VWA8: variants seen among roughly 807,000 people sequenced by gnomAD.
VWA8 encodes the protein von Willebrand factor A domain-containing protein 8.
VWA8 carries 221 observed loss-of-function variants against 241.5 expected under a neutral mutation model. The observed-to-expected ratio is 0.91, with a 90% confidence interval of 0.82 to 1.02. The LOEUF (loss-of-function observed/expected upper bound fraction) is 1.02. Ranked by LOEUF, VWA8 falls within the 50% of genes least tolerant of loss-of-function variation. The pLI, the probability that VWA8 is intolerant of heterozygous loss-of-function variation, is 0.00. For missense variants in VWA8, 2,322 were observed against 2,328.7 expected, an observed-to-expected ratio of 1.00 and a Z score of 0.06; for synonymous variants, 852 against 827.1, an observed-to-expected ratio of 1.03 and a Z score of -0.52.
Position 41,572,797 on chromosome 13 carries a change from TAA to T in VWA8, c.5371-2093_5371-2092del, listed in dbSNP as rs869088660. The stretch of plus-strand genomic sequence containing the variant: ...ACACCCAAGAATGATCAATAAATAC[TAA>T]AAAAAAAAAAAAAAAAAAAAAAGAA... On this transcript the variant is annotated intron_variant, in intron 43 of 44. Coordinates refer to ENST00000379310, the MANE Select transcript of VWA8 (RefSeq NM_015058.2). 1.9e-3 allele frequency among the ~76,000 whole-genome samples: 129 copies of T among 67,780 alleles called. 1 individual carries two copies. The highest frequency in any genetic ancestry group is 4.5e-3 in the African/African-American group (78 of 17,510). 44.5% of individuals were successfully genotyped at this position (67,780 alleles called of 152,430 possible).
chr13:41,872,981 A>C (rs1400654425), intron 9 of VWA8, among the ~76,000 whole-genome samples: 2 of 152,188 alleles, frequency 1.3e-5, no homozygotes, highest in East Asian at 3.9e-4. Context: ...CTTTTATTTC[A>C]TTGAGCAGTG....
intron 34 of VWA8, among the ~76,000 whole-genome samples, chr13:41,688,435 T>A (rs2045151879): frequency 6.6e-6 from 1 of 152,166 alleles, no homozygotes; most frequent in Admixed American, 6.6e-5. Flanking sequence ...CAACTTGGAC[T>A]GAAATAACTT....
At chr13:41,805,659 C>CA (rs1440283549) in intron 17 of VWA8, among the ~76,000 whole-genome samples, 1 of 151,780 alleles carries the variant, frequency 6.6e-6, no homozygotes, top group Non-Finnish European at 1.5e-5. Context: ...ACTAAAAATA[C>CA]AAAAATTAGC....
intron 37 of VWA8, among the ~76,000 whole-genome samples, chr13:41,650,386 G>C (rs2044861551): frequency 2.0e-5 from 3 of 152,134 alleles, no homozygotes; most frequent in Admixed American, 2.0e-4. Flanking sequence ...CTGGCTCAGA[G>C]GTGTTTATTC....
intron 14 of VWA8, among the ~76,000 whole-genome samples, chr13:41,821,862 G>A (rs554700016): frequency 9.2e-5 from 14 of 151,970 alleles, no homozygotes; most frequent in Non-Finnish European, 1.9e-4. Context: ...GTAACAACAT[G>A]GATGATCTCA....
intron 12 of VWA8, among the ~76,000 whole-genome samples, chr13:41,846,646 A>G (rs935997032): frequency 6.6e-6 from 1 of 152,244 alleles, no homozygotes; most frequent in Non-Finnish European, 1.5e-5. Context: ...CAATTAAATG[A>G]CAGAAAATTC....
intron 21 of VWA8, among the ~76,000 whole-genome samples, chr13:41,744,227 A>G (rs2045587951): frequency 6.6e-6 from 1 of 152,210 alleles, no homozygotes; most frequent in Admixed American, 6.5e-5. Context: ...TCACTTCCTT[A>G]CAGATTTCAC....
At chr13:41,818,108 G>T (rs899052567) in intron 15 of VWA8, among the ~76,000 whole-genome samples, 3 of 151,796 alleles carry the variant, frequency 2.0e-5, no homozygotes, top group Non-Finnish European at 4.4e-5. Context: ...GAATACAGGT[G>T]TGCACCAATA....
At chr13:41,667,409 G>A (rs2044993801) in intron 37 of VWA8, among the ~76,000 whole-genome samples, 1 of 152,048 alleles carries the variant, frequency 6.6e-6, no homozygotes, top group Non-Finnish European at 1.5e-5. Context: ...TGCTTATTGT[G>A]TACCAGACAC....
chr13:41,600,027 T>A (rs2044511340), intron 40 of VWA8, among the ~76,000 whole-genome samples: 1 of 152,154 alleles, frequency 6.6e-6, no homozygotes. Flanking sequence ...CTTCTTTTCC[T>A]GCCTTTCTAA....
chr13:41,751,867 T>C (rs1047875526), intron 21 of VWA8, among the ~76,000 whole-genome samples: 10 of 152,196 alleles, frequency 6.6e-5, no homozygotes, highest in African/African-American at 2.4e-4. Flanking sequence ...CAAGCGTCAG[T>C]GCTCCTCGGT....
chr13:41,788,868 G>A (rs977341764), intron 17 of VWA8, among the ~76,000 whole-genome samples: 10 of 152,140 alleles, frequency 6.6e-5, no homozygotes, highest in African/African-American at 2.2e-4. Context: ...TCCCCAACAC[G>A]TATATAGTCT....
At chr13:41,863,614 T>G (rs1873149635) in intron 12 of VWA8, among the ~76,000 whole-genome samples, 1 of 151,516 alleles carries the variant, frequency 6.6e-6, no homozygotes, top group Non-Finnish European at 1.5e-5. Context: ...AAATGTGGCA[T>G]AGATACACTA....
Position 41,865,828 on chromosome 13 carries a change from A to C in VWA8, c.1348-15T>G. The C allele has an allele frequency of 6.2e-7, 1 of 1,614,162 alleles. No individual in the cohort carries two copies. The highest frequency in any genetic ancestry group is 1.6e-4 in the Middle Eastern group (1 of 6,062). On this transcript the variant is annotated splice_polypyrimidine_tract_variant and intron_variant, in intron 11 of 44. Transcript: ENST00000379310. The stretch of plus-strand genomic sequence containing the variant: ...TTTCCACAACCCTACAAATGGAAAA[A>C]ATTATTCAAGAGGTAAGTCAAAATA...
chr13:41,903,770 T>C (rs559808688), intron 4 of VWA8, among the ~76,000 whole-genome samples: 1 of 152,256 alleles, frequency 6.6e-6, no homozygotes, highest in Non-Finnish European at 1.5e-5. Flanking sequence ...GTGGATGTAA[T>C]GGGACATTAC....
At chr13:41,787,607 TAC>T (rs112297676) in intron 17 of VWA8, 64 bp from the exon 18 acceptor site, 10,086 of 598,360 alleles carry the variant, frequency 0.017, 1 homozygote, top group African/African-American at 0.023. Flanking sequence ...GATTCTTAAA[TAC>T]ACACACACAC....
chr13:41,657,564 A>G (rs2044916342), intron 37 of VWA8, among the ~76,000 whole-genome samples: 2 of 146,028 alleles, frequency 1.4e-5, no homozygotes, highest in South Asian at 2.1e-4. Flanking sequence ...ATCTCGGCTC[A>G]CTGCAAGCTC....
chr13:41,775,786 C>G (rs1868566400), intron 20 of VWA8, among the ~76,000 whole-genome samples: 2 of 152,218 alleles, frequency 1.3e-5, no homozygotes, highest in South Asian at 4.1e-4. Context: ...AACACTTTCA[C>G]AGTCTCTGCT....
rs2044844974 is a variant in VWA8, at chr13:41,648,231, T to C, written c.4611+22715A>G. Among the ~76,000 whole-genome samples the C allele has an allele frequency of 3.3e-5, 5 of 152,330 alleles. No individual in the cohort carries two copies. The South Asian group carries it at 8.3e-4, about 25-fold the overall frequency. On this transcript the variant is annotated intron_variant, in intron 37 of 44. Transcript: ENST00000379310. ...ATGATGATAAAAAAAGATTTCCTTT[T>C]TTTAGCATTGGAAAAAACCCTACCC...
Sources: gnomAD v4.1 joint callset for allele counts (sites outside exome capture counted in the v4.1 genomes callset) on GRCh38, gnomAD v4.1.1 for gene constraint, MANE v1.5 for transcripts, NCBI Gene and HGNC (gene_info 2026-07-23, HGNC 2026-07-21) for gene names.